RAB30: variants seen among roughly 807,000 people sequenced by gnomAD.
RAB30 encodes ras-related protein Rab-30.
RAB30 carries 9 observed loss-of-function variants against 25.1 expected under a neutral mutation model. That is an observed-to-expected ratio of 0.36 (90% CI 0.22 to 0.63). RAB30 has a LOEUF of 0.63. RAB30 is among the 20% of genes least tolerant of loss of function. RAB30 has a pLI of 0.69. For missense variants in RAB30, 140 were observed against 243.5 expected, an observed-to-expected ratio of 0.58 and a Z score of 2.83; for synonymous variants, 77 against 86.4, an observed-to-expected ratio of 0.89 and a Z score of 0.60.
At chr11:83,055,628 C>T (rs963983443) in intron 1 of RAB30, among the ~76,000 whole-genome samples, 2 of 152,202 alleles carry the variant, frequency 1.3e-5, no homozygotes, top group African/African-American at 4.8e-5. Flanking sequence ...GGTTTGTGTC[C>T]TTTTCAAAAT....
chr11:83,034,564 T>C (rs1488706014), intron 1 of RAB30: 4 of 152,230 alleles, frequency 2.6e-5, no homozygotes, highest in African/African-American at 9.6e-5. Flanking sequence ...CAACAGATTA[T>C]GAAACAGTCA....
In RAB30 at chr11:82,987,767, G is replaced by A; in HGVS notation, c.181C>T (p.Gln61Ter). The A allele has an allele frequency of 1.3e-6, 2 of 1,599,584 alleles. No individual in the cohort carries two copies. The highest frequency in any genetic ancestry group is 1.7e-6 in the Non-Finnish European group (2 of 1,169,868). Residue 61 changes from glutamine (Q) to a stop codon, truncating the protein, a stop_gained, in exon 4 of 5, where the codon CAG (glutamine) becomes TAG (stop). Coordinates refer to ENST00000527633, the MANE Select transcript of RAB30 (RefSeq NM_001286060.2). LOFTEE classifies it high-confidence loss of function. The stretch of plus-strand genomic sequence containing the variant: ...TCTTGACCTGCTGTGTCCCAGATCT[G>A]TAGCTGTAAAGGCATAAGATAAGAA... ...VEINGEKVKL[Q>*]IWDTAGQERF...
intron 3 of RAB30, among the ~76,000 whole-genome samples, chr11:82,988,942 T>G (rs1388429520): frequency 2.4e-5 from 3 of 125,920 alleles, no homozygotes; most frequent in Non-Finnish European, 1.6e-5. Flanking sequence ...TCATTCTCCC[T>G]CATGGCACCT....
At chr11:83,054,450 G>A (rs936773533) in intron 1 of RAB30, among the ~76,000 whole-genome samples, 19 of 152,170 alleles carry the variant, frequency 1.2e-4, no homozygotes, top group Non-Finnish European at 1.9e-4. Flanking sequence ...TTAGATCTGG[G>A]AGAAACTTTA....
intron 1 of RAB30, among the ~76,000 whole-genome samples, chr11:83,032,412 T>C (rs1008399000): frequency 1.3e-5 from 2 of 152,238 alleles, no homozygotes; most frequent in African/African-American, 4.8e-5. Flanking sequence ...AAAGGGGGTA[T>C]GATTTCAGGG....
chr11:83,067,556 AC>A (rs1858730248), intron 1 of RAB30, among the ~76,000 whole-genome samples: 1 of 152,152 alleles, frequency 6.6e-6, no homozygotes, highest in South Asian at 2.1e-4. Flanking sequence ...AAACAAAAAG[AC>A]CTGGTTCCCA....
chr11:83,050,836 C>T (rs1858342580), intron 1 of RAB30, among the ~76,000 whole-genome samples: 1 of 152,038 alleles, frequency 6.6e-6, no homozygotes, highest in African/African-American at 2.4e-5. Flanking sequence ...CCATGAAATG[C>T]AATCATTTGG....
intron 1 of RAB30, among the ~76,000 whole-genome samples, chr11:83,048,583 C>T (rs1010778493): frequency 2.0e-5 from 3 of 151,898 alleles, no homozygotes; most frequent in Admixed American, 6.6e-5. Context: ...TAAGCTTTTT[C>T]TTTTTCCAAT....
Position 83,019,887 on chromosome 11 carries a change from C to T in RAB30, c.-8-22563G>A, listed in dbSNP as rs201710577. Among the ~76,000 whole-genome samples, 18 of 152,250 alleles carry T rather than the reference C, an allele frequency of 1.2e-4. No individual in the cohort carries two copies. In the East Asian group the frequency reaches 1.5e-3, roughly 13 times the overall value. On this transcript the variant is annotated intron_variant, in intron 1 of 4. Coordinates refer to ENST00000527633, the MANE Select transcript of RAB30 (RefSeq NM_001286060.2). ...CCGAATGACTTTGGGCAAGTCATTC[C>T]CTGAGACTCAGTTCCCCTAACTAGA...
chr11:83,029,489 A>G lies in RAB30; in HGVS notation c.-8-32165T>C, dbSNP rs191336171. 3.3e-5 allele frequency among the ~76,000 whole-genome samples: 5 copies of G among 151,854 alleles called. No individual in the cohort carries two copies. The East Asian group carries it at 9.7e-4, about 29-fold the overall frequency. On this transcript the variant is annotated intron_variant, in intron 1 of 4. Coordinates refer to ENST00000527633, the MANE Select transcript of RAB30 (RefSeq NM_001286060.2). The stretch of plus-strand genomic sequence containing the variant: ...GTCATCATGGCTCACTGCAGCCTCA[A>G]CCTCTGGGATGCAGCAAACCACCTG...
At chr11:83,069,546 G>A (rs899989132) in intron 1 of RAB30, among the ~76,000 whole-genome samples, 5 of 152,046 alleles carry the variant, frequency 3.3e-5, no homozygotes, top group African/African-American at 1.2e-4. Flanking sequence ...TGGCCACCTG[G>A]ATTGCTACTC....
rs1255581607 is a variant in RAB30 at position 82,974,742 on chromosome 11, A to C, written c.*7423T>G. On this transcript the variant is annotated 3_prime_UTR_variant, in exon 5 of 5. Transcript: ENST00000527633. ...GAGATCAAGGATTCTCTAAGTCTTC[A>C]TAAAGCAGCTTCTCTAAATATTTTA... 3.9e-5 allele frequency: 6 copies of C among 152,240 alleles called. No homozygotes were observed. The highest frequency in any genetic ancestry group is 3.3e-4 in the Admixed American group (5 of 15,286). The allele number at this position is 152,240 out of a possible 1,614,324, so 9.4% of individuals were successfully genotyped here.
chr11:83,030,727 G>A (rs1400482190), intron 1 of RAB30, among the ~76,000 whole-genome samples: 3 of 151,622 alleles, frequency 2.0e-5, no homozygotes, highest in Admixed American at 6.6e-5. Context: ...AACCCGGGAG[G>A]CAGAGGTTGC....
chr11:83,060,369 T>C (rs10898072), intron 1 of RAB30, among the ~76,000 whole-genome samples: 8,077 of 152,246 alleles, frequency 0.053, 315 homozygotes, highest in East Asian at 0.11. Context: ...ATTAAAGTTA[T>C]TGAGGAACAG....
chr11:83,023,290 C>T (rs1176252644), intron 1 of RAB30, among the ~76,000 whole-genome samples: 2 of 152,126 alleles, frequency 1.3e-5, no homozygotes, highest in African/African-American at 4.8e-5. Flanking sequence ...CACAATCTCC[C>T]CATAAAACAC....
chr11:83,047,778 C>T (rs986691133), intron 1 of RAB30, among the ~76,000 whole-genome samples: 3 of 152,076 alleles, frequency 2.0e-5, no homozygotes, highest in African/African-American at 4.8e-5. Context: ...CAGTCTTCCT[C>T]TTTTTGATTG....
At chr11:82,984,332 G>A (rs757592469) in intron 4 of RAB30, among the ~76,000 whole-genome samples, 13 of 152,166 alleles carry the variant, frequency 8.5e-5, no homozygotes, top group Non-Finnish European at 1.6e-4. Flanking sequence ...GTCTCCTATG[G>A]GGTATTGAGG....
chr11:83,013,376 C>A (rs1051099227), intron 1 of RAB30, among the ~76,000 whole-genome samples: 1 of 152,186 alleles, frequency 6.6e-6, no homozygotes, highest in Non-Finnish European at 1.5e-5. Context: ...TAAGCCACTG[C>A]GCCTGGCCAG....
At chr11:83,036,800 T>C (rs536166152) in intron 1 of RAB30, among the ~76,000 whole-genome samples, 30 of 152,024 alleles carry the variant, frequency 2.0e-4, no homozygotes, top group Admixed American at 1.1e-3. Flanking sequence ...GCGCAGGCAA[T>C]AGATACAAGA....
Sources: gnomAD v4.1 joint callset for allele counts (sites outside exome capture counted in the v4.1 genomes callset) on GRCh38, gnomAD v4.1.1 for gene constraint, MANE v1.5 for transcripts, NCBI Gene and HGNC (gene_info 2026-07-23, HGNC 2026-07-21) for gene names.